The following DCAF6 variants were observed in gnomAD, a reference collection of about 807,000 sequenced individuals.
The protein encoded by DCAF6 is DDB1 and CUL4 associated factor 6.
Under a neutral mutation model 125.1 loss-of-function variants are expected in DCAF6, and 54 were observed. That is an observed-to-expected ratio of 0.43 (90% CI 0.35 to 0.54). The LOEUF is 0.54. DCAF6 is among the 20% of genes least tolerant of loss of function. The pLI, the probability that DCAF6 is intolerant of heterozygous loss-of-function variation, is 0.01. For synonymous variants in DCAF6, 371 were observed against 390.4 expected (o/e 0.95, Z 0.58); for missense variants, 934 against 1,161.7 (o/e 0.80, Z 2.85).
At chr1:168,006,208 C>T (rs1227269452) in intron 10 of DCAF6, among the ~76,000 whole-genome samples, 3 of 152,050 alleles carry the variant, frequency 2.0e-5, no homozygotes, top group African/African-American at 7.2e-5. Flanking sequence ...TTAATTACTG[C>T]ATTTCAAATT....
intron 13 of DCAF6, among the ~76,000 whole-genome samples, chr1:168,040,902 A>T (rs1396827463): frequency 6.6e-6 from 1 of 150,520 alleles, no homozygotes; most frequent in Non-Finnish European, 1.5e-5. Flanking sequence ...AAAAAAAAAA[A>T]ACCAAACAGG....
At chr1:167,959,177 C>T (rs1026981465) in intron 2 of DCAF6, among the ~76,000 whole-genome samples, 2 of 152,172 alleles carry the variant, frequency 1.3e-5, no homozygotes, top group African/African-American at 4.8e-5. Flanking sequence ...TAGCAATATA[C>T]ATTTAGGTTT....
intron 7 of DCAF6, among the ~76,000 whole-genome samples, chr1:167,997,432 T>TA (rs1265097300): frequency 3.3e-5 from 5 of 152,316 alleles, no homozygotes; most frequent in South Asian, 2.1e-4. Context: ...GTCACACACT[T>TA]ACGTCTTCCT....
At chr1:167,962,961 C>T (rs1675845303) in intron 2 of DCAF6, among the ~76,000 whole-genome samples, 1 of 151,696 alleles carries the variant, frequency 6.6e-6, no homozygotes, top group Non-Finnish European at 1.5e-5. Flanking sequence ...TCTCAAAAAA[C>T]AAACAAACAA....
chr1:167,884,671 C>T, the DCAF6 span, among the ~76,000 whole-genome samples: 6 of 151,356 alleles, frequency 4.0e-5, no homozygotes, highest in Non-Finnish European at 7.4e-5. Context: ...ATATTCTCTA[C>T]CCCCATGAGT....
chr1:168,051,937 G>A lies in DCAF6; in HGVS notation c.2300+1004G>A, dbSNP rs1264177305. 2.0e-5 allele frequency among the ~76,000 whole-genome samples: 3 copies of A among 150,692 alleles called. No homozygotes were observed. In the East Asian group the frequency reaches 5.8e-4, roughly 29 times the overall value. ...GCTCTGTTGCCCAGGCTGTAGTGCA[G>A]TGGCGCAGTCCCAGCCCACTACAAC... On this transcript the variant is annotated intron_variant, in intron 17 of 21. Transcript: ENST00000367840.
intron 11 of DCAF6, chr1:168,019,861 T>C (rs1158705868): frequency 6.1e-6 from 1 of 163,506 alleles, no homozygotes; most frequent in African/African-American, 2.4e-5. Context: ...TTTCCCACAG[T>C]GTCCATAATG....
chr1:168,041,890 T>TTG (rs1277146116), intron 13 of DCAF6, among the ~76,000 whole-genome samples: 1 of 89,490 alleles, frequency 1.1e-5, no homozygotes, highest in African/African-American at 5.3e-5. Context: ...TACATGTTTG[T>TTG]CGCGCACACA....
intron 17 of DCAF6, among the ~76,000 whole-genome samples, chr1:168,058,400 T>G (rs968756709): frequency 6.6e-6 from 1 of 152,254 alleles, no homozygotes; most frequent in African/African-American, 2.4e-5. Flanking sequence ...TATCTAACAA[T>G]ATTTTTTAAA....
At chr1:168,001,413 T>C (rs1682599785) in intron 7 of DCAF6, among the ~76,000 whole-genome samples, 1 of 152,210 alleles carries the variant, frequency 6.6e-6, no homozygotes, top group African/African-American at 2.4e-5. Context: ...TTGATCATAT[T>C]ATTGAACACT....
the DCAF6 span, chr1:167,903,942 T>C: frequency 6.2e-7 from 1 of 1,614,038 alleles, no homozygotes; most frequent in Non-Finnish European, 8.5e-7. Context: ...GCTCAGCCCC[T>C]CTGTCCATGT....
upstream of DCAF6, among the ~76,000 whole-genome samples, chr1:167,933,975 G>C (rs1476222891): frequency 2.0e-5 from 3 of 152,162 alleles, no homozygotes; most frequent in Admixed American, 6.5e-5. Flanking sequence ...CCATTTTATA[G>C]ATGAGATAAC....
At chr1:168,007,336 A>C (rs1176483518) in intron 10 of DCAF6, among the ~76,000 whole-genome samples, 1 of 151,988 alleles carries the variant, frequency 6.6e-6, no homozygotes, top group Admixed American at 6.6e-5. Context: ...TCCTTTCTTT[A>C]AAAATTTTCT....
chr1:167,883,783 G>A, the DCAF6 span, among the ~76,000 whole-genome samples: 1 of 152,050 alleles, frequency 6.6e-6, no homozygotes, highest in African/African-American at 2.4e-5. Flanking sequence ...AAGTGGAGCA[G>A]ATGGAAATAT....
chr1:168,015,678 T>A (rs1230029440), intron 10 of DCAF6, 103 bp from the exon 11 acceptor site: 1 of 1,013,080 alleles, frequency 9.9e-7, no homozygotes, highest in African/African-American at 1.7e-5. Flanking sequence ...CTATGAGACA[T>A]GTGTTTTGTT....
intron 4 of DCAF6, among the ~76,000 whole-genome samples, chr1:167,980,422 A>G (rs1382164204): frequency 2.0e-5 from 3 of 148,758 alleles, no homozygotes; most frequent in Non-Finnish European, 4.4e-5. Flanking sequence ...CAGCTCCACT[A>G]TTTTACATGC....
At chr1:167,941,464 G>A (rs1383367777) in intron 1 of DCAF6, among the ~76,000 whole-genome samples, 1 of 152,162 alleles carries the variant, frequency 6.6e-6, no homozygotes, top group Admixed American at 6.5e-5. Flanking sequence ...TTTTAAAAAT[G>A]ATCCATGATA....
chr1:168,021,686 A>T (rs1685689890), intron 11 of DCAF6, among the ~76,000 whole-genome samples: 1 of 152,200 alleles, frequency 6.6e-6, no homozygotes, highest in Non-Finnish European at 1.5e-5. Flanking sequence ...AAAATACATG[A>T]ACAAACTGGT....
At position 168,045,466 on chromosome 1, in the gene DCAF6, G is replaced by A. The variant is rs186039166; in HGVS notation, c.2258+239G>A. Among the ~76,000 whole-genome samples the A allele has an allele frequency of 2.2e-4, 34 of 152,286 alleles. 1 individual carries two copies. In the East Asian group the frequency reaches 6.2e-3, roughly 28 times the overall value. ...CATTCTCCATATCTCTAGCACTGAGGCTTGCTTCTGAATTTACAGATCAAG... is the reference window on the plus strand; with the variant it reads ...CATTCTCCATATCTCTAGCACTGAGACTTGCTTCTGAATTTACAGATCAAG... On this transcript the variant is annotated intron_variant, in intron 16 of 21. Coordinates refer to ENST00000367840, the MANE Select transcript of DCAF6 (RefSeq NM_001198956.2).
Sources: gnomAD v4.1 joint callset for allele counts (sites outside exome capture counted in the v4.1 genomes callset) on GRCh38, gnomAD v4.1.1 for gene constraint, MANE v1.5 for transcripts, NCBI Gene and HGNC (gene_info 2026-07-23, HGNC 2026-07-21) for gene names.